The following BCAR3 variants were observed in gnomAD, a reference collection of about 807,000 sequenced individuals.
The protein encoded by BCAR3 is BCAR3 adaptor protein, NSP family member.
In BCAR3, 37 loss-of-function variants were observed where a neutral mutation model predicts 80.1. The ratio of observed to expected loss-of-function variants is 0.46; its 90% CI spans 0.36 to 0.61. The LOEUF is 0.61. Ranked by LOEUF, BCAR3 falls within the 20% of genes least tolerant of loss-of-function variation. The pLI, the probability that BCAR3 is intolerant of heterozygous loss-of-function variation, is 0.00. For synonymous variants in BCAR3, 389 were observed against 418.9 expected (o/e 0.93, Z 0.87); for missense variants, 978 against 1,068.2 (o/e 0.92, Z 1.18).
intron 11 of BCAR3, among the ~76,000 whole-genome samples, chr1:93,563,170 G>A (rs1210773230): frequency 6.6e-6 from 1 of 152,192 alleles, no homozygotes; most frequent in Non-Finnish European, 1.5e-5. Context: ...ACCAGTCTTA[G>A]AACACTTCCA....
chr1:93,823,684 T>A lies in BCAR3; in HGVS notation c.-63+21883A>T, dbSNP rs1456707098. 1.5e-5 allele frequency among the ~76,000 whole-genome samples: 2 copies of A among 133,806 alleles called. 1 individual carries two copies. Among genetic ancestry groups the A allele is most frequent in the Non-Finnish European group, 3.4e-5 (2 of 59,214 alleles). 87.8% of individuals were successfully genotyped at this position (133,806 alleles called of 152,430 possible). On this transcript the variant is annotated intron_variant, in intron 2 of 13. Coordinates refer to the BCAR3 transcript ENST00000370244. ...CTTTTTTAACCTACATAGAAAAGTA[T>A]CTCATTGTTTTTTGTTGTTGTTGTT...
Position 93,584,034 on chromosome 1 carries a change from C to T in BCAR3, c.1017G>A (p.Glu339=), listed in dbSNP as rs2101834378. 6.2e-7 allele frequency: 1 copy of T among 1,614,110 alleles called. No homozygotes were observed. The highest frequency in any genetic ancestry group is 8.5e-7 in the Non-Finnish European group (1 of 1,180,020). ...RALSLKAHQS[E]SYLPIGCKLP... ...GAAACATACCAATCGGCAGGTAGCT[C>T]TCTGACTGGTGGGCTTTGAGGGACA... Residue 339 remains glutamate, a synonymous_variant, in exon 6 of 12, where the codon GAG becomes GAA. Transcript: ENST00000260502.
At chr1:93,777,562 C>T (rs1201158085) in intron 2 of BCAR3, among the ~76,000 whole-genome samples, 5 of 151,668 alleles carry the variant, frequency 3.3e-5, no homozygotes, top group Non-Finnish European at 5.9e-5. Flanking sequence ...TCCTCCTCCA[C>T]GGGCATGCAC....
At chr1:93,726,202 C>T (rs1445341492) in intron 2 of BCAR3, among the ~76,000 whole-genome samples, 1 of 152,050 alleles carries the variant, frequency 6.6e-6, no homozygotes, top group Non-Finnish European at 1.5e-5. Flanking sequence ...GTAGCTTAGA[C>T]CACAAGTGCA....
Position 93,829,344 on chromosome 1 carries a change from G to T in BCAR3, c.-63+16223C>A, listed in dbSNP as rs540311269. Among the ~76,000 whole-genome samples, 3 of 152,104 alleles carry T rather than the reference G, an allele frequency of 2.0e-5. No individual in the cohort carries two copies. In the East Asian group the frequency reaches 5.8e-4, roughly 30 times the overall value. ...AGGCTGCTGTGACACCCATAAACCT[G>T]GTGACAAGGAAAAGAGGGTGAGAGA... On this transcript the variant is annotated intron_variant, in intron 2 of 13. Coordinates refer to the BCAR3 transcript ENST00000370244.
chr1:93,596,224 T>G (rs1189052392), intron 3 of BCAR3, among the ~76,000 whole-genome samples: 1 of 152,122 alleles, frequency 6.6e-6, no homozygotes, highest in African/African-American at 2.4e-5. Flanking sequence ...TCACATAATA[T>G]TCGCATGCAT....
At chr1:93,733,055 C>G (rs1473506196) in intron 2 of BCAR3, among the ~76,000 whole-genome samples, 2 of 152,216 alleles carry the variant, frequency 1.3e-5, no homozygotes, top group Non-Finnish European at 2.9e-5. Context: ...ACCAATGCAG[C>G]ATTTTACCAG....
chr1:93,683,676 C>T (rs918121232), upstream of BCAR3, among the ~76,000 whole-genome samples: 36 of 152,136 alleles, frequency 2.4e-4, no homozygotes, highest in African/African-American at 8.2e-4. Flanking sequence ...AGAAGCTGGC[C>T]GCAAATGGGT....
At chr1:93,846,116 A>C (rs760864697) in intron 1 of BCAR3, among the ~76,000 whole-genome samples, 1 of 151,972 alleles carries the variant, frequency 6.6e-6, no homozygotes, top group African/African-American at 2.4e-5. Flanking sequence ...GGTGGTGTGT[A>C]TGTACCCGCC....
At chr1:93,601,526 C>T (rs1674623117) in intron 3 of BCAR3, among the ~76,000 whole-genome samples, 1 of 152,152 alleles carries the variant, frequency 6.6e-6, no homozygotes, top group Non-Finnish European at 1.5e-5. Context: ...TATGTATTAG[C>T]GCCAGGTGGC....
chr1:93,808,500 C>A (rs113357238), intron 2 of BCAR3, among the ~76,000 whole-genome samples: 1 of 152,112 alleles, frequency 6.6e-6, no homozygotes, highest in Non-Finnish European at 1.5e-5. Context: ...GAATACACTC[C>A]AGCAAAATCG....
At chr1:93,613,782 A>G (rs1466425042) in intron 3 of BCAR3, 31 of 1,522,566 alleles carry the variant, frequency 2.0e-5, no homozygotes, top group Non-Finnish European at 2.5e-5. Context: ...GCCCTTTAGG[A>G]AACTCATGCT....
At chr1:93,670,574 T>C (rs919127019) in intron 2 of BCAR3, among the ~76,000 whole-genome samples, 2 of 152,148 alleles carry the variant, frequency 1.3e-5, no homozygotes, top group African/African-American at 4.8e-5. Context: ...ACTTTCTAGG[T>C]TCTAATCCTA....
intron 3 of BCAR3, among the ~76,000 whole-genome samples, chr1:93,618,938 T>G (rs74782207): frequency 0.11 from 15,558 of 142,296 alleles, 688 homozygotes; most frequent in Middle Eastern, 0.15. Context: ...TTTTTTTTTT[T>G]GTTTTTTTTT....
intron 3 of BCAR3, among the ~76,000 whole-genome samples, chr1:93,692,229 C>G (rs1382212740): frequency 6.6e-6 from 1 of 152,186 alleles, no homozygotes; most frequent in Non-Finnish European, 1.5e-5. Context: ...TTGGCCCTTT[C>G]CTCTCTGGTT....
chr1:93,596,445 G>A (rs1279306867), intron 3 of BCAR3, among the ~76,000 whole-genome samples: 1 of 152,144 alleles, frequency 6.6e-6, no homozygotes, highest in Non-Finnish European at 1.5e-5. Flanking sequence ...GTGCTTTAAA[G>A]ACAGGCTGGA....
rs541660969 is a variant in BCAR3 at position 93,628,236 on chromosome 1, G to A, written c.357+14068C>T. Among the ~76,000 whole-genome samples the A allele has an allele frequency of 1.2e-4, 19 of 152,106 alleles. No homozygotes were observed. In the South Asian group the frequency reaches 4.0e-3, roughly 32 times the overall value. On this transcript the variant is annotated intron_variant, in intron 3 of 11. Coordinates refer to ENST00000260502, the MANE Select transcript of BCAR3 (RefSeq NM_003567.4). ...GAAGTGCTGATGGCTCTGCCTTCAC[G>A]TTACATTCCTAGAACCCCCTTATTT... is the stretch of plus-strand genomic sequence containing the variant.
At chr1:93,616,865 C>T (rs554681488) in intron 3 of BCAR3, among the ~76,000 whole-genome samples, 3 of 152,342 alleles carry the variant, frequency 2.0e-5, no homozygotes, top group African/African-American at 7.2e-5. Flanking sequence ...CTCCCATCCA[C>T]CGCCCTTCTC....
intron 2 of BCAR3, among the ~76,000 whole-genome samples, chr1:93,793,388 T>C (rs1315657717): frequency 4.2e-5 from 1 of 23,860 alleles, no homozygotes; most frequent in Non-Finnish European, 6.2e-5. Flanking sequence ...CTTGGGAGAG[T>C]GTATGTGTCG....
Sources: allele counts gnomAD v4.1 joint callset (sites outside exome capture counted in the v4.1 genomes callset), GRCh38; gene constraint gnomAD v4.1.1; transcripts MANE v1.5; gene names NCBI Gene and HGNC (gene_info 2026-07-23, HGNC 2026-07-21).